CASKIN2: variants seen among roughly 807,000 people sequenced by gnomAD.
CASKIN2 encodes CASK interacting protein 2, also known as caskin-2.
A neutral mutation model predicts 107.1 loss-of-function variants in CASKIN2; 41 were observed. The observed-to-expected ratio is 0.38, with a 90% CI of 0.30 to 0.50. The LOEUF is 0.50. Ranked by LOEUF, CASKIN2 falls within the 20% of genes least tolerant of loss-of-function variation. The pLI, the probability that CASKIN2 is intolerant of heterozygous loss-of-function variation, is 0.92. For synonymous variants in CASKIN2, 724 were observed against 705.6 expected (o/e 1.03, Z -0.41); for missense variants, 1,546 against 1,657.4 (o/e 0.93, Z 1.17).
intron 2 of CASKIN2, among the ~76,000 whole-genome samples, chr17:75,511,574 A>T (rs534121239): frequency 2.2e-4 from 33 of 152,352 alleles, no homozygotes; most frequent in African/African-American, 7.7e-4. Context: ...TAAGGTTTGC[A>T]AATGTCACCT....
chr17:75,506,263 G>A lies in CASKIN2; in HGVS notation c.726+42C>T. ...CAGCCAGTCAGGGGCACAGGGCAGA[G>A]GCTCCATGGACACCTGCGAGGGAGC... On this transcript the variant is annotated intron_variant, in intron 8 of 19. Transcript: ENST00000321617. The surrounding 1 kb of genome is among the most constrained non-coding windows in gnomAD (Gnocchi z 4.8). 6.5e-7 allele frequency: 1 copy of A among 1,527,860 alleles called. No individual in the cohort carries two copies. Among genetic ancestry groups the A allele is most frequent in the Non-Finnish European group, 9.0e-7 (1 of 1,108,234 alleles). 94.6% of individuals were successfully genotyped at this position (1,527,860 alleles called of 1,614,324 possible).
At position 75,503,834 on chromosome 17, in the gene CASKIN2, C is replaced by T; in HGVS notation, c.1578+18G>A. ...CTCCCCCGCCCGCTGGGTGCTGCTT[C>T]CCGGCTGCAGCACCCACCTCAGGTG... On this transcript the variant is annotated intron_variant, in intron 15 of 19. Coordinates refer to ENST00000321617, the MANE Select transcript of CASKIN2 (RefSeq NM_020753.5). The T allele has an allele frequency of 1.2e-6, 2 of 1,611,684 alleles. No individual in the cohort carries two copies. Among genetic ancestry groups the T allele is most frequent in the Non-Finnish European group, 1.7e-6 (2 of 1,179,354 alleles).
intron 1 of CASKIN2, 191 bp downstream of exon 1, chr17:75,515,210 A>G (rs2053347820): frequency 7.0e-6 from 1 of 141,862 alleles, no homozygotes; most frequent in African/African-American, 2.6e-5. Context: ...GCCCAGGCCC[A>G]CCGGGGAACA....
chr17:75,502,513 G>A lies in CASKIN2; in HGVS notation c.2561C>T (p.Pro854Leu), dbSNP rs1165787619. 1.4e-6 allele frequency: 2 copies of A among 1,474,328 alleles called. No homozygotes were observed. The highest frequency in any genetic ancestry group is 2.8e-5 in the African/African-American group (2 of 71,138). The allele number at this position is 1,474,328 out of a possible 1,614,324, so 91.3% of individuals were successfully genotyped here. ...SVTPTPARGTPRSQSFALRAR... is the reference protein window; with the variant it reads ...SVTPTPARGTLRSQSFALRAR... ...CCGCAGGGCAAAGGACTGGCTGCGA[G>A]GAGTCCCCCGAGCTGGGGTTGGGGT... The change falls in exon 18 of 20, where the codon CCT becomes CTT. Residue 854 changes from proline (P) to leucine (L), a missense_variant. Physicochemically the swap from Pro to Leu is moderately conservative, Grantham distance 98 (BLOSUM62 -3). This residue lies in a region of CASKIN2 where 1,311 missense variants were observed against 1,311.0 expected (regional missense o/e 1.00). Transcript: ENST00000321617. This position sits in a 1 kb window ranked among gnomAD's most constrained non-coding sequence, Gnocchi z 4.3.
rs368883522 is a variant in CASKIN2 at position 75,503,441 on chromosome 17, C to T, written c.1767G>A (p.Leu589=). 1.1e-5 allele frequency: 17 copies of T among 1,612,826 alleles called. No homozygotes were observed. Among genetic ancestry groups the T allele is most frequent in the Non-Finnish European group, 1.4e-5 (17 of 1,179,960 alleles). Reference sequence around the variant, plus strand: ...GCTCCTCCCAGGTGAGGTCGGCCACCAGCCCCATGGAGTCGTAGCCGCTGC... The same window carrying T: ...GCTCCTCCCAGGTGAGGTCGGCCACTAGCCCCATGGAGTCGTAGCCGCTGC... ...LVSSGYDSMG[L]VADLTWEELQ... is the part of the protein sequence containing the mutation. The change falls in exon 17 of 20, where the codon CTG becomes CTA. Residue 589 remains leucine, a synonymous_variant. Transcript: ENST00000321617.
Position 75,503,387 on chromosome 17 carries a change from A to T in CASKIN2, c.1819+2T>A. ...CCAGCCAGGCCTCAGGACAGTCCTT[A>T]CCGAGCTTGTTGACCCCAATCTCCT... On this transcript the variant is annotated splice_donor_variant, in intron 17 of 19. Coordinates refer to ENST00000321617, the MANE Select transcript of CASKIN2 (RefSeq NM_020753.5). LOFTEE classifies it high-confidence loss of function. The T allele has an allele frequency of 6.2e-7, 1 of 1,611,798 alleles. No homozygotes were observed. The highest frequency in any genetic ancestry group is 8.5e-7 in the Non-Finnish European group (1 of 1,179,266).
chr17:75,512,797 G>A (rs2053325201), intron 2 of CASKIN2, among the ~76,000 whole-genome samples: 1 of 151,942 alleles, frequency 6.6e-6, no homozygotes, highest in African/African-American at 2.4e-5. Flanking sequence ...CTACTCGGGA[G>A]GCTGAGGCAG....
Position 75,503,063 on chromosome 17 carries a change from C to G in CASKIN2, c.2011G>C (p.Glu671Gln). The G allele has an allele frequency of 6.2e-7, 1 of 1,606,978 alleles. No homozygotes were observed. The highest frequency in any genetic ancestry group is 8.5e-7 in the Non-Finnish European group (1 of 1,178,642). ...GPRLLTFQGS[E>Q]LSPELQAAMA... ...GCCGCCTGTAGCTCTGGGCTTAGTT[C>G]GCTGCCCTGGAAGGTGAGGAGCCGT... is the stretch of plus-strand genomic sequence containing the variant. Residue 671 changes from glutamate (E) to glutamine (Q), a missense_variant, in exon 18 of 20, where the codon GAA becomes CAA. By Grantham distance (29) the Glu-to-Gln change is conservative. Around this residue, in one of 6 missense-constraint regions of CASKIN2, gnomAD observed 1,311 missense variants for 1,311.0 expected, o/e 1.00. Coordinates refer to ENST00000321617, the MANE Select transcript of CASKIN2 (RefSeq NM_020753.5).
In CASKIN2 at chr17:75,507,174, T is replaced by C. The variant is rs376284993; in HGVS notation, c.245-45A>G. The C allele has an allele frequency of 6.5e-5, 102 of 1,575,470 alleles. No homozygotes were observed. In the African/African-American group the frequency reaches 1.2e-3, roughly 18 times the overall value. ...TCTGAGGGAGGTCCTGGGACGGCGT[T>C]GGGGGTGGAGAGGAACTGAGCAGAG... On this transcript the variant is annotated intron_variant, in intron 4 of 19. Transcript: ENST00000321617.
rs1465476890 is a variant in CASKIN2, at chr17:75,514,156, C to G, written c.-352G>C. The G allele has an allele frequency of 3.8e-6, 2 of 523,924 alleles. No homozygotes were observed. The highest frequency in any genetic ancestry group is 3.4e-6 in the Non-Finnish European group (1 of 296,714). 32.5% of individuals were successfully genotyped at this position (523,924 alleles called of 1,614,324 possible). ...GGAACACCAGTGCCCACCCAGAGAG[C>G]AGCCAGCATTCCCTTGGGCCTCAGG... On this transcript the variant is annotated 5_prime_UTR_variant, in exon 2 of 20. Transcript: ENST00000321617.
rs753424488 is a variant in CASKIN2 at position 75,505,627 on chromosome 17, C to G, written c.860G>C (p.Arg287Pro). Residue 287 changes from arginine to proline, a missense_variant, in exon 10 of 20, where the codon CGA (arginine) becomes CCA (proline). Transcript: ENST00000321617. This position sits in a 1 kb window ranked among gnomAD's most constrained non-coding sequence, Gnocchi z 5.1. ...LREASGILKV[R>P]ALKDFWNLHD... ...GAGGTTCCAGAAATCCTTGAGCGCT[C>G]GGACCTTCAGGATCCCTGAGGCCTC... 6.2e-7 allele frequency: 1 copy of G among 1,613,344 alleles called. No individual in the cohort carries two copies. Among genetic ancestry groups the G allele is most frequent in the South Asian group, 1.1e-5 (1 of 91,078 alleles).
intron 2 of CASKIN2, chr17:75,509,750 G>T (rs2053301336): frequency 1.0e-6 from 1 of 985,592 alleles, no homozygotes; most frequent in Non-Finnish European, 1.2e-6. Context: ...TGGAGACAAT[G>T]CGGTCAGCAG....
intron 2 of CASKIN2, among the ~76,000 whole-genome samples, chr17:75,512,623 C>T (rs1252934119): frequency 1.2e-4 from 18 of 152,106 alleles, no homozygotes; most frequent in Admixed American, 9.2e-4. Flanking sequence ...AAAGCTATCT[C>T]GTGGCCTGGT....
At chr17:75,511,912 GC>G (rs35902645) in intron 2 of CASKIN2, among the ~76,000 whole-genome samples, 85,869 of 152,088 alleles carry the variant, frequency 0.56, 27,610 homozygotes, top group Non-Finnish European at 0.73. Flanking sequence ...CTTGACCAAG[GC>G]CCCACTGGGC....
intron 11 of CASKIN2, 21 bp from the exon 12 acceptor site, chr17:75,504,714 G>A (rs1211422341): frequency 4.4e-6 from 7 of 1,582,580 alleles, no homozygotes; most frequent in South Asian, 1.1e-5. Context: ...CAGAAGCCAA[G>A]GGGTCAGAGT....
Position 75,501,855 on chromosome 17 carries a change from G to T in CASKIN2, c.3219C>A (p.Ser1073Arg). ...CCCCATTCCACCGACTAGCTGCTGAGCTTTCCAGACCTGGCCCTGGGCAGG... is the reference window on the plus strand; with the variant it reads ...CCCCATTCCACCGACTAGCTGCTGATCTTTCCAGACCTGGCCCTGGGCAGG... ...VPPCPGPGLE[S>R]SAASRWNGET... Residue 1073 changes from serine (S) to arginine (R), a missense_variant, in exon 18 of 20, where the codon AGC becomes AGA. Ser to Arg is a moderately radical substitution (Grantham distance 110). Around this residue, in one of 6 missense-constraint regions of CASKIN2, gnomAD observed 1,311 missense variants for 1,311.0 expected, o/e 1.00. Transcript: ENST00000321617. The T allele has an allele frequency of 6.4e-7, 1 of 1,560,704 alleles. No homozygotes were observed. The highest frequency in any genetic ancestry group is 8.7e-7 in the Non-Finnish European group (1 of 1,155,544).
Position 75,506,154 on chromosome 17 carries a change from C to T in CASKIN2, c.726+151G>A. ...TCTGCCCCCGATCCATCTGCACCGCCTCGGCACCATTCAGAAGGAAGTCAG... is the reference window on the plus strand; with the variant it reads ...TCTGCCCCCGATCCATCTGCACCGCTTCGGCACCATTCAGAAGGAAGTCAG... On this transcript the variant is annotated intron_variant, in intron 8 of 19. Coordinates refer to ENST00000321617, the MANE Select transcript of CASKIN2 (RefSeq NM_020753.5). The surrounding 1 kb of genome is among the most constrained non-coding windows in gnomAD (Gnocchi z 4.8). 2 of 745,890 alleles carry T rather than the reference C, an allele frequency of 2.7e-6. No homozygotes were observed. The highest frequency in any genetic ancestry group is 1.8e-5 in the South Asian group (1 of 55,900). 46.2% of individuals were successfully genotyped at this position (745,890 alleles called of 1,614,324 possible).
Position 75,505,244 on chromosome 17 carries a change from C to G in CASKIN2, c.931-171G>C. On this transcript the variant is annotated intron_variant, in intron 10 of 19. Coordinates refer to ENST00000321617, the MANE Select transcript of CASKIN2 (RefSeq NM_020753.5). The surrounding 1 kb of genome is among the most constrained non-coding windows in gnomAD (Gnocchi z 5.1). ...AAGTTCCGCCCCTGCTGCCAGCAGC[C>G]AGCTCAATCTCCCCTGTGCCTCCAG... 1.3e-6 allele frequency: 1 copy of G among 753,148 alleles called. No homozygotes were observed. Among genetic ancestry groups the G allele is most frequent in the Non-Finnish European group, 2.2e-6 (1 of 463,652 alleles). 46.7% of individuals were successfully genotyped at this position (753,148 alleles called of 1,614,324 possible). A position where few individuals can be genotyped will look rare whatever the true frequency, so the allele number is the denominator to read the frequency against.
In CASKIN2 at chr17:75,502,339, C is replaced by A; in HGVS notation, c.2735G>T (p.Gly912Val). Residue 912 changes from glycine to valine, a missense_variant, in exon 18 of 20, where the codon GGC becomes GTC. This residue lies in a region of CASKIN2 where 1,311 missense variants were observed against 1,311.0 expected (regional missense o/e 1.00). Coordinates refer to ENST00000321617, the MANE Select transcript of CASKIN2 (RefSeq NM_020753.5). The surrounding 1 kb of genome is among the most constrained non-coding windows in gnomAD (Gnocchi z 4.3). ...PRRRTLSEPA[G>V]PSEPPGPPAP... ...AGGTGGGCCAGGGGGCTCTGAGGGG[C>A]CAGCAGGTTCACTCAGTGTTCGCCT... is the stretch of plus-strand genomic sequence containing the variant. The A allele has an allele frequency of 6.8e-7, 1 of 1,480,054 alleles. No homozygotes were observed. Among genetic ancestry groups the A allele is most frequent in the Non-Finnish European group, 8.9e-7 (1 of 1,118,502 alleles). 91.7% of individuals were successfully genotyped at this position (1,480,054 alleles called of 1,614,324 possible).
Sources: gnomAD v4.1 joint callset for allele counts (sites outside exome capture counted in the v4.1 genomes callset) on GRCh38, gnomAD v4.1.1 for gene constraint, gnomAD v4.1.1 regional missense constraint, Gnocchi (gnomAD v3.1) non-coding constraint, MANE v1.5 for transcripts, NCBI Gene and HGNC (gene_info 2026-07-23, HGNC 2026-07-21) for gene names.